Variants in CDH8 observed in about 807,000 individuals in gnomAD.
CDH8 encodes the protein cadherin 8, also known as cadherin-8.
In CDH8, 17 loss-of-function variants were observed where a neutral mutation model predicts 68.1. That is an observed-to-expected ratio of 0.25 (90% CI 0.17 to 0.37). The LOEUF is 0.37. Among genes scored for constraint, CDH8 ranks in the 10% least tolerant of loss-of-function variants. The probability of loss-of-function intolerance (pLI) is 1.00; values close to 1 mark genes in which losing one functional copy is unlikely to be tolerated. For synonymous variants in CDH8, 372 were observed against 365.1 expected (o/e 1.02, Z -0.21); for missense variants, 763 against 999.3 (o/e 0.76, Z 3.19).
chr16:61,959,984 G>GTGTGTATATA (rs1385952323), intron 2 of CDH8, among the ~76,000 whole-genome samples: 8 of 44,538 alleles, frequency 1.8e-4, no homozygotes, highest in East Asian at 2.3e-3. Flanking sequence ...GTGTGTGTGT[G>GTGTGTATATA]TATATATATA....
chr16:61,875,174 G>A (rs1348334335), intron 3 of CDH8, among the ~76,000 whole-genome samples: 1 of 151,796 alleles, frequency 6.6e-6, no homozygotes, highest in Non-Finnish European at 1.5e-5. Flanking sequence ...TCCTTAATAT[G>A]TCAACATTAC....
chr16:61,656,241 C>G (rs1354217235), intron 10 of CDH8, among the ~76,000 whole-genome samples: 1 of 152,134 alleles, frequency 6.6e-6, no homozygotes, highest in African/African-American at 2.4e-5. Context: ...CCTGACGGAC[C>G]AACGGAGTTT....
At position 61,915,620 on chromosome 16, in the gene CDH8, G is replaced by C. The variant is rs139286169; in HGVS notation, c.253-14147C>G. Reference sequence around the variant, plus strand: ...CACAAAACTAGGTGTTTAGTGTTTTGTTTTTAAAGATACATTTTATATATT... The same window carrying C: ...CACAAAACTAGGTGTTTAGTGTTTTCTTTTTAAAGATACATTTTATATATT... On this transcript the variant is annotated intron_variant, in intron 2 of 11. Transcript: ENST00000577390. Among the ~76,000 whole-genome samples the C allele has an allele frequency of 8.4e-3, 1,281 of 152,034 alleles. 17 individuals carry two copies. Among genetic ancestry groups the C allele is most frequent in the African/African-American group, 0.029 (1,202 of 41,332 alleles).
At chr16:61,832,138 G>A (rs1255194813) in intron 4 of CDH8, among the ~76,000 whole-genome samples, 1 of 151,606 alleles carries the variant, frequency 6.6e-6, no homozygotes, top group Non-Finnish European at 1.5e-5. Flanking sequence ...CCTTACCACT[G>A]AATAACAGAA....
chr16:61,978,772 A>T (rs1965483700), intron 2 of CDH8, among the ~76,000 whole-genome samples: 1 of 152,156 alleles, frequency 6.6e-6, no homozygotes. Context: ...ACCCCTCTTT[A>T]GCAGCACCTA....
chr16:61,998,107 A>G (rs555006353), intron 2 of CDH8, among the ~76,000 whole-genome samples: 15 of 152,328 alleles, frequency 9.8e-5, no homozygotes, highest in Admixed American at 3.9e-4. Flanking sequence ...ATTTTATGGT[A>G]ATGGAAAAAA....
chr16:61,844,030 T>C (rs1052984204), intron 4 of CDH8, among the ~76,000 whole-genome samples: 2 of 152,034 alleles, frequency 1.3e-5, no homozygotes, highest in Non-Finnish European at 2.9e-5. Flanking sequence ...CCAACCGAAA[T>C]GTCCAACAAC....
chr16:61,812,396 T>C (rs1204000415), intron 7 of CDH8, among the ~76,000 whole-genome samples: 1 of 152,212 alleles, frequency 6.6e-6, no homozygotes, highest in African/African-American at 2.4e-5. Flanking sequence ...GTGGCCACAA[T>C]GATCTTATGT....
chr16:61,742,248 T>C (rs1051184438), intron 8 of CDH8, among the ~76,000 whole-genome samples: 2 of 152,142 alleles, frequency 1.3e-5, no homozygotes, highest in Non-Finnish European at 2.9e-5. Flanking sequence ...TATAATAGTT[T>C]ATAGATTATT....
chr16:61,882,878 T>G (rs1963603380), intron 3 of CDH8, among the ~76,000 whole-genome samples: 2 of 152,120 alleles, frequency 1.3e-5, no homozygotes, highest in South Asian at 4.2e-4. Flanking sequence ...CCCCTGAACT[T>G]AAAATAAAAT....
intron 1 of CDH8, among the ~76,000 whole-genome samples, chr16:62,024,488 A>G (rs1902148669): frequency 2.0e-5 from 3 of 152,160 alleles, no homozygotes; most frequent in Admixed American, 6.5e-5. Flanking sequence ...AGACATTTTC[A>G]TGGAAACCAC....
intron 2 of CDH8, among the ~76,000 whole-genome samples, chr16:62,020,542 T>C (rs1902049284): frequency 6.6e-6 from 1 of 151,786 alleles, no homozygotes; most frequent in Non-Finnish European, 1.5e-5. Flanking sequence ...AAACTAAAAT[T>C]TTGATTCTGT....
At chr16:61,696,435 T>G (rs1189584916) in intron 10 of CDH8, among the ~76,000 whole-genome samples, 1 of 152,176 alleles carries the variant, frequency 6.6e-6, no homozygotes, top group Non-Finnish European at 1.5e-5. Flanking sequence ...GCAGTCAGAA[T>G]GGCTATTACT....
chr16:61,897,362 C>T (rs906640218), intron 3 of CDH8, among the ~76,000 whole-genome samples: 12 of 152,092 alleles, frequency 7.9e-5, no homozygotes, highest in Non-Finnish European at 4.4e-5. Context: ...AAGTGAACCC[C>T]CTGCCTCAGC....
At chr16:61,682,990 A>T (rs1025687054) in intron 10 of CDH8, among the ~76,000 whole-genome samples, 11 of 152,058 alleles carry the variant, frequency 7.2e-5, no homozygotes, top group Non-Finnish European at 1.6e-4. Context: ...ACTTGCTTCA[A>T]AGAAATACAA....
chr16:61,655,785 T>C, intron 10 of CDH8, 64 bp from the exon 11 acceptor site: 1 of 1,452,788 alleles, frequency 6.9e-7, no homozygotes, highest in South Asian at 1.2e-5. Flanking sequence ...ATAACACTTG[T>C]TTTTCTAGTT....
chr16:61,812,116 G>A (rs930623197), intron 7 of CDH8, among the ~76,000 whole-genome samples: 1 of 151,984 alleles, frequency 6.6e-6, no homozygotes, highest in African/African-American at 2.4e-5. Flanking sequence ...CAGAAATTGA[G>A]AGTTATTGCA....
chr16:62,008,953 A>T (rs1171425757), intron 2 of CDH8, among the ~76,000 whole-genome samples: 2 of 151,774 alleles, frequency 1.3e-5, no homozygotes, highest in East Asian at 3.9e-4. Context: ...ACACACACAC[A>T]CACACACACA....
intron 8 of CDH8, among the ~76,000 whole-genome samples, chr16:61,761,134 T>C (rs1374714402): frequency 6.6e-6 from 1 of 152,172 alleles, no homozygotes; most frequent in African/African-American, 2.4e-5. Context: ...ATGATACTTT[T>C]AAAATTAAGA....
Sources: gnomAD v4.1 joint callset for allele counts (sites outside exome capture counted in the v4.1 genomes callset) on GRCh38, gnomAD v4.1.1 for gene constraint, MANE v1.5 for transcripts, NCBI Gene and HGNC (gene_info 2026-07-23, HGNC 2026-07-21) for gene names.